PPP6C: variants seen among roughly 807,000 people sequenced by gnomAD.
PPP6C encodes the protein serine/threonine-protein phosphatase 6 catalytic subunit.
In PPP6C, 11 loss-of-function variants were observed where a neutral mutation model predicts 39.8. The ratio of observed to expected loss-of-function variants is 0.28; its 90% CI spans 0.17 to 0.46. The LOEUF (loss-of-function observed/expected upper bound fraction) is 0.46. Ranked by LOEUF, PPP6C falls within the 20% of genes least tolerant of loss-of-function variation. The pLI, the probability that PPP6C is intolerant of heterozygous loss-of-function variation, is 1.00. For synonymous variants in PPP6C, 129 were observed against 130.3 expected, an observed-to-expected ratio of 0.99 and a Z score of 0.07; for missense variants, 211 against 373.9, an observed-to-expected ratio of 0.56 and a Z score of 3.59.
rs1835869050 is a variant in PPP6C, at chr9:125,148,862, T to C, written c.*811A>G. On this transcript the variant is annotated 3_prime_UTR_variant, in exon 7 of 7. Coordinates refer to ENST00000373547, the MANE Select transcript of PPP6C (RefSeq NM_002721.5). ...ACAGTTTAGTGATTTTTTTCAAAAA[T>C]AAATACTATTGAATTTCAATTGAAG... is the stretch of plus-strand genomic sequence containing the variant. 1 of 152,112 alleles carries C rather than the reference T, an allele frequency of 6.6e-6. No individual in the cohort carries two copies. Among genetic ancestry groups the C allele is most frequent in the Non-Finnish European group, 1.5e-5 (1 of 67,994 alleles). The allele number at this position is 152,112 out of a possible 1,614,324, so 9.4% of individuals were successfully genotyped here.
At chr9:125,167,389 A>AAAAAAAAAAAAAAAAAAAAG (rs1554722081) in intron 2 of PPP6C, among the ~76,000 whole-genome samples, 1 of 138,056 alleles carries the variant, frequency 7.2e-6, no homozygotes, top group African/African-American at 2.7e-5. Context: ...CAAAAAAAAA[A>AAAAAAAAAAAAAAAAAAAAG]AAAAAAAAAA....
chr9:125,174,973 C>CGA (rs1027688333), intron 1 of PPP6C, among the ~76,000 whole-genome samples: 13 of 150,524 alleles, frequency 8.6e-5, no homozygotes, highest in Admixed American at 8.0e-4. Flanking sequence ...TTTGGGAGGC[C>CGA]GAGGCAGGTG....
intron 1 of PPP6C, among the ~76,000 whole-genome samples, chr9:125,175,946 G>A (rs1030072321): frequency 2.6e-5 from 4 of 152,118 alleles, no homozygotes; most frequent in Non-Finnish European, 5.9e-5. Context: ...ATATATAACA[G>A]TAATTTGTCA....
intron 1 of PPP6C, among the ~76,000 whole-genome samples, chr9:125,177,556 G>GA (rs1829329141): frequency 6.6e-6 from 1 of 151,782 alleles, no homozygotes; most frequent in Non-Finnish European, 1.5e-5. Context: ...AAAAGAAAAA[G>GA]AAAAAAAGAA....
chr9:125,160,050 C>T (rs1373871973), intron 3 of PPP6C, among the ~76,000 whole-genome samples: 2 of 151,752 alleles, frequency 1.3e-5, no homozygotes, highest in Non-Finnish European at 2.9e-5. Flanking sequence ...GACCCAGAAA[C>T]TTTCAGAAGG....
rs540162847 is a variant in PPP6C at position 125,151,115 on chromosome 9, A to C, written c.670-1194T>G. ...GGTGTCCTGAAGTGGATAAGGGAGA[A>C]TATCTCTGAGCAGAAGAACTGCACT... On this transcript the variant is annotated intron_variant, in intron 6 of 6. Transcript: ENST00000373547. 229 of 1,369,344 alleles carry C rather than the reference A, an allele frequency of 1.7e-4. 5 individuals carry two copies. In the South Asian group the frequency reaches 2.6e-3, roughly 16 times the overall value. The allele number at this position is 1,369,344 out of a possible 1,614,324, so 84.8% of individuals were successfully genotyped here. A position where few individuals can be genotyped will look rare whatever the true frequency, so the allele number is the denominator to read the frequency against.
chr9:125,175,074 T>G (rs570396465), intron 1 of PPP6C, among the ~76,000 whole-genome samples: 1 of 151,664 alleles, frequency 6.6e-6, no homozygotes, highest in Non-Finnish European at 1.5e-5. Context: ...CTGGGCGTGG[T>G]GGCAGGGCGC....
At chr9:125,182,257 C>T (rs574971029) in intron 1 of PPP6C, among the ~76,000 whole-genome samples, 6 of 152,260 alleles carry the variant, frequency 3.9e-5, no homozygotes, top group Non-Finnish European at 8.8e-5. Context: ...TTTAAAATTA[C>T]TTGTTTAGTT....
intron 1 of PPP6C, among the ~76,000 whole-genome samples, chr9:125,173,623 A>C (rs1234032413): frequency 1.3e-5 from 2 of 151,516 alleles, no homozygotes; most frequent in Non-Finnish European, 2.9e-5. Flanking sequence ...AGCCTTTTTT[A>C]ATTTTATTTT....
At chr9:125,163,972 C>T (rs1261205324) in intron 2 of PPP6C, among the ~76,000 whole-genome samples, 3 of 151,200 alleles carry the variant, frequency 2.0e-5, no homozygotes, top group Admixed American at 6.6e-5. Flanking sequence ...CTCAGCCTCC[C>T]GAGTAGCTTA....
intron 1 of PPP6C, among the ~76,000 whole-genome samples, chr9:125,178,189 A>T (rs1310671445): frequency 6.6e-6 from 1 of 152,244 alleles, no homozygotes; most frequent in Non-Finnish European, 1.5e-5. Context: ...CTGCTGGATT[A>T]TATGAAGAGT....
chr9:125,165,703 T>C lies in PPP6C; in HGVS notation c.172-4797A>G, dbSNP rs149854746. On this transcript the variant is annotated intron_variant, in intron 2 of 6. Transcript: ENST00000373547. ...TTTTCAGGTAACTGTGCATACTCTT[T>C]AAATACTGTACCAAAATTTGACAAG... is the stretch of plus-strand genomic sequence containing the variant. 2.6e-4 allele frequency among the ~76,000 whole-genome samples: 40 copies of C among 152,160 alleles called. No homozygotes were observed. In the East Asian group the frequency reaches 5.0e-3, roughly 19 times the overall value.
intron 3 of PPP6C, among the ~76,000 whole-genome samples, chr9:125,160,610 T>C (rs1289235515): frequency 6.6e-6 from 1 of 152,200 alleles, no homozygotes; most frequent in African/African-American, 2.4e-5. Flanking sequence ...TTCTGCATGA[T>C]TGTGAGGCCT....
At position 125,147,778 on chromosome 9, in the gene PPP6C, AAG is replaced by A; in HGVS notation, c.*1893_*1894del. On this transcript the variant is annotated 3_prime_UTR_variant, in exon 7 of 7. Transcript: ENST00000373547. ...TATTAGTACAACTTAAGTGGAAAGC[AAG>A]CACTTAAATACAATTTATGGTAACA... is the stretch of plus-strand genomic sequence containing the variant. 2 of 150,902 alleles carry A rather than the reference AAG, an allele frequency of 1.3e-5. No homozygotes were observed. Among genetic ancestry groups the A allele is most frequent in the African/African-American group, 4.9e-5 (2 of 40,912 alleles). The allele number at this position is 150,902 out of a possible 1,614,324, so 9.3% of individuals were successfully genotyped here.
chr9:125,185,335 C>G (rs1439753235), intron 1 of PPP6C, among the ~76,000 whole-genome samples: 1 of 151,300 alleles, frequency 6.6e-6, no homozygotes, highest in Non-Finnish European at 1.5e-5. Flanking sequence ...ACCTCCATCT[C>G]CCAGGCTCAA....
intron 1 of PPP6C, among the ~76,000 whole-genome samples, chr9:125,186,014 C>T (rs1829523658): frequency 1.3e-5 from 2 of 152,058 alleles, no homozygotes; most frequent in Admixed American, 1.3e-4. Context: ...TGATCCAGTA[C>T]TAGTGATGTG....
chr9:125,159,738 G>A (rs924011487), intron 3 of PPP6C, among the ~76,000 whole-genome samples: 19 of 152,202 alleles, frequency 1.2e-4, no homozygotes, highest in Admixed American at 6.5e-4. Flanking sequence ...AGTGGCCGGC[G>A]TGGTGGCTCA....
At chr9:125,183,592 GA>G (rs1429413234) in intron 1 of PPP6C, among the ~76,000 whole-genome samples, 3 of 152,150 alleles carry the variant, frequency 2.0e-5, no homozygotes, top group Non-Finnish European at 4.4e-5. Flanking sequence ...ACTCTTCTAT[GA>G]TTTGGCATCT....
intron 1 of PPP6C, among the ~76,000 whole-genome samples, chr9:125,179,501 C>T (rs1829378622): frequency 6.6e-6 from 1 of 152,100 alleles, no homozygotes; most frequent in Admixed American, 6.6e-5. Context: ...TCCATGGAGG[C>T]TGCCCCACAC....
Sources: allele counts gnomAD v4.1 joint callset (sites outside exome capture counted in the v4.1 genomes callset), GRCh38; gene constraint gnomAD v4.1.1; transcripts MANE v1.5; gene names NCBI Gene and HGNC (gene_info 2026-07-23, HGNC 2026-07-21).